Variants in UGT1A7 observed in about 807,000 individuals in gnomAD.
The protein encoded by UGT1A7 is UDP-glucuronosyltransferase 1A7.
A neutral mutation model predicts 45.6 loss-of-function variants in UGT1A7; 33 were observed. The ratio of observed to expected loss-of-function variants is 0.72; its 90% CI spans 0.55 to 0.97. UGT1A7 has a LOEUF of 0.97. UGT1A7 is among the 50% of genes least tolerant of loss of function. The pLI is 0.00. For synonymous variants in UGT1A7, 274 were observed against 250.6 expected (o/e 1.09, Z -0.88); for missense variants, 684 against 666.2 (o/e 1.03, Z -0.29).
intron 1 of UGT1A7, chr2:233,690,698 A>G (rs1327185756): frequency 8.1e-7 from 1 of 1,235,234 alleles, no homozygotes; most frequent in Non-Finnish European, 1.0e-6. Context: ...GCTACTCTTT[A>G]GGGATCGTCA....
At chr2:233,755,025 G>C (rs766586741) in intron 1 of UGT1A7, 29 of 1,306,918 alleles carry the variant, frequency 2.2e-5, no homozygotes, top group Admixed American at 7.6e-5. Context: ...GTCCTTGAAG[G>C]GCCTGCCGCC....
intron 1 of UGT1A7, among the ~76,000 whole-genome samples, chr2:233,724,143 G>C: frequency 8.2e-6 from 1 of 122,326 alleles, no homozygotes; most frequent in African/African-American, 3.7e-5. Flanking sequence ...GGACGGGGCG[G>C]CTGGCCGGGT....
intron 1 of UGT1A7, chr2:233,713,347 A>G (rs749851918): frequency 1.2e-6 from 2 of 1,614,196 alleles, no homozygotes; most frequent in East Asian, 2.2e-5. Context: ...ATTATGAACA[A>G]TATGTCTTTG....
intron 1 of UGT1A7, among the ~76,000 whole-genome samples, chr2:233,736,165 G>A (rs533285485): frequency 1.2e-4 from 19 of 152,088 alleles, no homozygotes; most frequent in Non-Finnish European, 2.6e-4. Context: ...CGTAGATTTG[G>A]TCTTTCCACA....
At chr2:233,697,073 C>A (rs1315770045) in intron 1 of UGT1A7, among the ~76,000 whole-genome samples, 1 of 151,822 alleles carries the variant, frequency 6.6e-6, no homozygotes, top group Non-Finnish European at 1.5e-5. Flanking sequence ...GTTTTGGTAT[C>A]AGGGTAACAC....
intron 1 of UGT1A7, chr2:233,755,367 G>A: frequency 2.8e-6 from 1 of 362,114 alleles, no homozygotes; most frequent in Non-Finnish European, 5.3e-6. Context: ...TGGGCCGCCT[G>A]GAGGGCCGCC....
At chr2:233,713,122 T>A (rs2076280431) in intron 1 of UGT1A7, 1 of 1,614,100 alleles carries the variant, frequency 6.2e-7, no homozygotes, top group South Asian at 1.1e-5. Context: ...TGGCTCAGCA[T>A]GCGGGAGGCC....
intron 1 of UGT1A7, among the ~76,000 whole-genome samples, chr2:233,690,345 T>G (rs7563561): frequency 0.39 from 59,795 of 152,000 alleles, 11,945 homozygotes; most frequent in South Asian, 0.45. Flanking sequence ...CTGAAAGAGT[T>G]AGCACCTTAG....
chr2:233,700,698 T>C (rs1450440391), intron 1 of UGT1A7, among the ~76,000 whole-genome samples: 1 of 152,108 alleles, frequency 6.6e-6, no homozygotes, highest in Non-Finnish European at 1.5e-5. Context: ...AAACTACACT[T>C]TGAATGTTTT....
At chr2:233,705,910 A>T (rs2075878510) in intron 1 of UGT1A7, among the ~76,000 whole-genome samples, 1 of 152,154 alleles carries the variant, frequency 6.6e-6, no homozygotes, top group South Asian at 2.1e-4. Flanking sequence ...CAAAATAGTG[A>T]AACTCCTTCT....
intron 1 of UGT1A7, among the ~76,000 whole-genome samples, chr2:233,702,009 G>A (rs566769996): frequency 5.3e-4 from 81 of 152,124 alleles, no homozygotes; most frequent in Non-Finnish European, 5.9e-5. Context: ...CAGAACTGAA[G>A]GAAATAGAGA....
At position 233,693,901 on chromosome 2, in the gene UGT1A7, C is replaced by T. The variant is rs780268498; in HGVS notation, c.855+11109C>T. On this transcript the variant is annotated intron_variant, in intron 1 of 4. Transcript: ENST00000373426. ...TTATTTCTTTTGGACTGCCTTGTTT[C>T]TTCCAGGCTCTGTCCTCCCTCACTC... is the stretch of plus-strand genomic sequence containing the variant. The T allele has an allele frequency of 3.7e-6, 6 of 1,613,394 alleles. No homozygotes were observed. The South Asian group carries it at 5.5e-5, about 15-fold the overall frequency.
chr2:233,742,301 A>C (rs1405327803), intron 1 of UGT1A7, among the ~76,000 whole-genome samples: 1 of 152,018 alleles, frequency 6.6e-6, no homozygotes, highest in Admixed American at 6.5e-5. Context: ...TTATAGATTA[A>C]CTAAAAGTAT....
Position 233,729,793 on chromosome 2 carries a change from A to C in UGT1A7, c.856-37241A>C, listed in dbSNP as rs145403444. 3.6e-5 allele frequency: 58 copies of C among 1,613,368 alleles called. No homozygotes were observed. The African/African-American group carries it at 3.9e-4, about 11-fold the overall frequency. ...GCTCTACCCTCTGGCCCTGTCCTAC[A>C]TTTGCCATGCTTTTTCTGCTCCTTA... On this transcript the variant is annotated intron_variant, in intron 1 of 4. Transcript: ENST00000373426.
chr2:233,687,184 A>G (rs2074826727), intron 1 of UGT1A7, among the ~76,000 whole-genome samples: 1 of 152,216 alleles, frequency 6.6e-6, no homozygotes, highest in Non-Finnish European at 1.5e-5. Context: ...TGAATCAGCA[A>G]TACCCGTAAT....
intron 1 of UGT1A7, chr2:233,747,491 G>T: frequency 6.2e-7 from 1 of 1,608,968 alleles, no homozygotes; most frequent in Non-Finnish European, 8.5e-7. Context: ...ATCGCCTTGT[G>T]CTGGGCCACA....
intron 4 of UGT1A7, chr2:233,770,529 A>G (rs986919893): frequency 6.6e-6 from 1 of 152,118 alleles, no homozygotes; most frequent in Non-Finnish European, 1.5e-5. Flanking sequence ...ATGGTGGTGT[A>G]TGCCTGTAAT....
rs191789950 is a variant in UGT1A7 at position 233,713,517 on chromosome 2, A to T, written c.855+30725A>T. 5 of 1,613,958 alleles carry T rather than the reference A, an allele frequency of 3.1e-6. No homozygotes were observed. In the East Asian group the frequency reaches 1.1e-4, roughly 36 times the overall value. On this transcript the variant is annotated intron_variant, in intron 1 of 4. Transcript: ENST00000373426. ...TCCTGCTGTGTTTTTCTTGAGGAAC[A>T]TTCCATGTGATTTAGACTTTAAGGG... is the stretch of plus-strand genomic sequence containing the variant.
chr2:233,719,252 T>G (rs2076741853), intron 1 of UGT1A7: 2 of 1,614,040 alleles, frequency 1.2e-6, no homozygotes, highest in Non-Finnish European at 1.7e-6. Flanking sequence ...TGAATGCTAC[T>G]TCCTTTGATG....
Sources: gnomAD v4.1 joint callset for allele counts (sites outside exome capture counted in the v4.1 genomes callset) on GRCh38, gnomAD v4.1.1 for gene constraint, MANE v1.5 for transcripts, NCBI Gene and HGNC (gene_info 2026-07-23, HGNC 2026-07-21) for gene names.